The following THSD7B variants were observed in gnomAD, a reference collection of about 807,000 sequenced individuals.
THSD7B encodes thrombospondin type-1 domain-containing protein 7B.
THSD7B carries 138 observed loss-of-function variants against 213.6 expected under a neutral mutation model. The ratio of observed to expected loss-of-function variants is 0.65; its 90% CI spans 0.56 to 0.74. The LOEUF (loss-of-function observed/expected upper bound fraction) is 0.74, where lower values mean the gene tolerates loss of function less well. THSD7B is among the 30% of genes least tolerant of loss of function. The pLI, the probability that THSD7B is intolerant of heterozygous loss-of-function variation, is 0.00. For synonymous variants in THSD7B, 742 were observed against 687.0 expected, an observed-to-expected ratio of 1.08 and a Z score of -1.25; for missense variants, 1,931 against 1,991.5, an observed-to-expected ratio of 0.97 and a Z score of 0.58.
chr2:137,616,419 T>C (rs1228126828), intron 18 of THSD7B, 103 bp downstream of exon 18: 1 of 1,042,744 alleles, frequency 9.6e-7, no homozygotes, highest in Non-Finnish European at 1.4e-6. Context: ...GAGAGTAGAA[T>C]GTGTGAGTGT....
chr2:136,906,829 GAAAT>G (rs1684169351), intron 2 of THSD7B, among the ~76,000 whole-genome samples: 1 of 141,552 alleles, frequency 7.1e-6, no homozygotes, highest in Admixed American at 7.3e-5. Flanking sequence ...GAAAATAAAA[GAAAT>G]AAAAATAATG....
intron 15 of THSD7B, among the ~76,000 whole-genome samples, chr2:137,481,481 G>C (rs2105105961): frequency 6.6e-6 from 1 of 152,296 alleles, no homozygotes; most frequent in Middle Eastern, 3.4e-3. Context: ...GTTGTCATCT[G>C]ATGTTAAATA....
chr2:137,595,231 T>G (rs1681937545), intron 17 of THSD7B, among the ~76,000 whole-genome samples: 2 of 151,994 alleles, frequency 1.3e-5, no homozygotes, highest in South Asian at 4.1e-4. Context: ...TATTCCTCTA[T>G]CTATTCCAAA....
At chr2:136,841,536 G>A (rs1682920841) in intron 1 of THSD7B, among the ~76,000 whole-genome samples, 1 of 140,410 alleles carries the variant, frequency 7.1e-6, no homozygotes, top group Non-Finnish European at 1.5e-5. Flanking sequence ...GGTGGAGGTT[G>A]CAGTGAGCCG....
Position 136,819,326 on chromosome 2 carries a change from G to A in THSD7B, c.-36+53639G>A, listed in dbSNP as rs191494085. Among the ~76,000 whole-genome samples, 290 of 152,104 alleles carry A rather than the reference G, an allele frequency of 1.9e-3. 1 individual carries two copies. The highest frequency in any genetic ancestry group is 3.3e-3 in the Non-Finnish European group (226 of 67,990). ...CATCTTCTTCCTTTCTTTACAATTA[G>A]GACCTTTGGAGAATTGTCCCCCATC... is the stretch of plus-strand genomic sequence containing the variant. On this transcript the variant is annotated intron_variant, in intron 1 of 27. Transcript: ENST00000409968.
intron 10 of THSD7B, among the ~76,000 whole-genome samples, chr2:137,268,198 C>G (rs980366347): frequency 3.3e-5 from 5 of 151,738 alleles, no homozygotes; most frequent in African/African-American, 9.7e-5. Context: ...TACATGTGCA[C>G]AACATGCAGG....
At chr2:137,016,345 T>C (rs748972395) in intron 2 of THSD7B, among the ~76,000 whole-genome samples, 5 of 152,270 alleles carry the variant, frequency 3.3e-5, no homozygotes, top group Middle Eastern at 3.4e-3. Context: ...GCTAACCTGA[T>C]GTATGATAAG....
At chr2:137,249,382 C>T (rs537982763) in intron 10 of THSD7B, among the ~76,000 whole-genome samples, 13 of 151,964 alleles carry the variant, frequency 8.6e-5, no homozygotes, top group African/African-American at 3.1e-4. Context: ...CAAGGAGGAA[C>T]ACTTACATTA....
chr2:136,769,996 C>T (rs532444910), intron 1 of THSD7B, among the ~76,000 whole-genome samples: 31 of 152,250 alleles, frequency 2.0e-4, no homozygotes, highest in African/African-American at 6.5e-4. Context: ...AATGCACAAA[C>T]GATTTTTCAA....
chr2:136,805,088 C>T (rs77891802), intron 1 of THSD7B, among the ~76,000 whole-genome samples: 4,608 of 152,240 alleles, frequency 0.03, 164 homozygotes, highest in East Asian at 0.18. Flanking sequence ...TCTTTCTTCA[C>T]CCTAGAAAAA....
At chr2:136,820,734 A>G (rs1682552765) in intron 1 of THSD7B, among the ~76,000 whole-genome samples, 1 of 152,232 alleles carries the variant, frequency 6.6e-6, no homozygotes, top group East Asian at 1.9e-4. Context: ...CCTGAATTTA[A>G]TAATCATACT....
At chr2:136,788,558 TCC>T (rs1681909867) in intron 1 of THSD7B, among the ~76,000 whole-genome samples, 3 of 152,160 alleles carry the variant, frequency 2.0e-5, no homozygotes, top group Admixed American at 6.5e-5. Flanking sequence ...TGATTTTTTT[TCC>T]TTTGGAGAAT....
intron 2 of THSD7B, among the ~76,000 whole-genome samples, chr2:136,919,908 C>T (rs767819468): frequency 4.6e-5 from 7 of 152,188 alleles, no homozygotes; most frequent in Non-Finnish European, 8.8e-5. Context: ...GCAGGTGGAC[C>T]GCACATATCA....
chr2:136,890,919 A>G (rs961029219), intron 2 of THSD7B, among the ~76,000 whole-genome samples: 2 of 151,828 alleles, frequency 1.3e-5, no homozygotes, highest in African/African-American at 4.8e-5. Context: ...AACTCCTTAG[A>G]CAAAGGTTTG....
intron 1 of THSD7B, among the ~76,000 whole-genome samples, chr2:136,820,742 A>G (rs1244344423): frequency 6.6e-6 from 1 of 152,210 alleles, no homozygotes; most frequent in Admixed American, 6.5e-5. Flanking sequence ...TAATAATCAT[A>G]CTATGATTAT....
At chr2:136,834,423 C>T (rs1164306902) in intron 1 of THSD7B, among the ~76,000 whole-genome samples, 1 of 152,144 alleles carries the variant, frequency 6.6e-6, no homozygotes, top group Non-Finnish European at 1.5e-5. Context: ...GATACAATGC[C>T]TTAAAAATAT....
At chr2:137,220,023 C>T (rs971532924) in intron 7 of THSD7B, among the ~76,000 whole-genome samples, 2 of 152,146 alleles carry the variant, frequency 1.3e-5, no homozygotes, top group African/African-American at 4.8e-5. Context: ...TTGGAGAATT[C>T]ACTCTATCCA....
chr2:136,895,919 T>C (rs969102607), intron 2 of THSD7B, among the ~76,000 whole-genome samples: 5 of 152,232 alleles, frequency 3.3e-5, no homozygotes, highest in African/African-American at 1.2e-4. Context: ...GTGGTTGCTC[T>C]ATATTATAGC....
intron 12 of THSD7B, among the ~76,000 whole-genome samples, chr2:137,390,246 A>G (rs1344857401): frequency 6.6e-6 from 1 of 152,118 alleles, no homozygotes; most frequent in East Asian, 1.9e-4. Context: ...AGTTTTTCTT[A>G]TAGAGTTAGT....
Sources: allele counts gnomAD v4.1 joint callset (sites outside exome capture counted in the v4.1 genomes callset), GRCh38; gene constraint gnomAD v4.1.1; transcripts MANE v1.5; gene names NCBI Gene and HGNC (gene_info 2026-07-23, HGNC 2026-07-21).